ACYP2: variants seen among roughly 807,000 people sequenced by gnomAD.
ACYP2 encodes the protein acylphosphatase 2, also known as acylphosphatase-2.
In ACYP2, 12 loss-of-function variants were observed where a neutral mutation model predicts 11.2. The ratio of observed to expected loss-of-function variants is 1.08; its 90% confidence interval spans 0.69 to 1.74. The LOEUF is 1.74. Among genes scored for constraint, ACYP2 ranks in the 40% most tolerant of loss-of-function variants. The probability of loss-of-function intolerance (pLI) is 0.00; values close to 1 mark genes in which losing one functional copy is unlikely to be tolerated. For missense variants in ACYP2, 134 were observed against 101.9 expected (o/e 1.31, Z -1.35); for synonymous variants, 43 against 32.2 (o/e 1.33, Z -1.13).
chr2:53,973,502 A>C (rs922003462), intron 1 of ACYP2, among the ~76,000 whole-genome samples: 5 of 152,158 alleles, frequency 3.3e-5, no homozygotes, highest in African/African-American at 1.2e-4. Flanking sequence ...TAACAGATGA[A>C]TGTACTTTGT....
intron 6 of ACYP2, among the ~76,000 whole-genome samples, chr2:54,234,201 T>C (rs1050364220): frequency 1.3e-5 from 2 of 152,208 alleles, no homozygotes; most frequent in African/African-American, 4.8e-5. Flanking sequence ...GGCATTTTTG[T>C]GCTAAGCTTT....
intron 2 of ACYP2, among the ~76,000 whole-genome samples, chr2:54,034,836 C>A (rs1674791809): frequency 6.6e-6 from 1 of 151,796 alleles, no homozygotes; most frequent in Admixed American, 6.6e-5. Context: ...TAGTAAAACC[C>A]CGTCTCTACT....
At chr2:54,261,473 AG>A (rs1687773957) in intron 6 of ACYP2, among the ~76,000 whole-genome samples, 1 of 152,228 alleles carries the variant, frequency 6.6e-6, no homozygotes, top group South Asian at 2.1e-4. Context: ...AGTACAATTT[AG>A]CCACTAATCT....
In ACYP2 at chr2:54,034,837, C is replaced by T. The variant is rs1009881003; in HGVS notation, c.63-16121C>T. On this transcript the variant is annotated intron_variant, in intron 2 of 6. Coordinates refer to ENST00000607452, the MANE Select transcript of ACYP2 (RefSeq NM_001320586.2). ...CAGCCTGGCCAACATAGTAAAACCC[C>T]GTCTCTACTAAAAATACAAAAAATT... 3.3e-5 allele frequency among the ~76,000 whole-genome samples: 5 copies of T among 151,700 alleles called. No individual in the cohort carries two copies. In the South Asian group the frequency reaches 6.3e-4, roughly 19 times the overall value.
intron 6 of ACYP2, among the ~76,000 whole-genome samples, chr2:54,260,217 G>A (rs960189547): frequency 6.6e-6 from 1 of 152,098 alleles, no homozygotes; most frequent in Non-Finnish European, 1.5e-5. Flanking sequence ...TTATGAAATC[G>A]TCTTCTGATT....
At chr2:54,266,120 A>G (rs1194021889) in intron 6 of ACYP2, among the ~76,000 whole-genome samples, 1 of 152,258 alleles carries the variant, frequency 6.6e-6, no homozygotes, top group Non-Finnish European at 1.5e-5. Flanking sequence ...AAGGAAATAA[A>G]TAAATTACAG....
In ACYP2 at chr2:54,255,569, G is replaced by A. The variant is rs760946195; in HGVS notation, c.405-49119G>A. ...TTCAGGTGGAGACCCACGTTCAGGG[G>A]CCCGGGCCCGGGCCCAGGCCCTGCC... On this transcript the variant is annotated intron_variant, in intron 6 of 6. Transcript: ENST00000607452. The A allele has an allele frequency of 8.5e-6, 10 of 1,179,888 alleles. No individual in the cohort carries two copies. Among genetic ancestry groups the A allele is most frequent in the Middle Eastern group, 1.9e-4 (1 of 5,144 alleles). 73.1% of individuals were successfully genotyped at this position (1,179,888 alleles called of 1,614,324 possible).
intron 6 of ACYP2, among the ~76,000 whole-genome samples, chr2:54,191,654 G>C (rs923710248): frequency 6.6e-6 from 1 of 152,172 alleles, no homozygotes; most frequent in African/African-American, 2.4e-5. Flanking sequence ...CACTGGCACA[G>C]GAGTAAATGC....
intron 6 of ACYP2, among the ~76,000 whole-genome samples, chr2:54,231,613 G>A (rs894967843): frequency 5.3e-5 from 8 of 152,156 alleles, no homozygotes; most frequent in African/African-American, 1.9e-4. Flanking sequence ...AGTTGGGAAT[G>A]ATATCGAATT....
intron 4 of ACYP2, among the ~76,000 whole-genome samples, chr2:54,083,999 A>G (rs984339338): frequency 2.0e-5 from 3 of 152,240 alleles, no homozygotes; most frequent in Non-Finnish European, 2.9e-5. Flanking sequence ...TTTTGAAAAG[A>G]TGAGAAATGT....
intron 6 of ACYP2, among the ~76,000 whole-genome samples, chr2:54,244,276 A>G (rs1289416375): frequency 1.3e-5 from 2 of 152,132 alleles, no homozygotes; most frequent in Admixed American, 1.3e-4. Flanking sequence ...ATCTCAGTTC[A>G]CTGCAACCTC....
chr2:54,256,652 T>G (rs903974784), intron 6 of ACYP2, among the ~76,000 whole-genome samples: 1 of 152,196 alleles, frequency 6.6e-6, no homozygotes, highest in Non-Finnish European at 1.5e-5. Flanking sequence ...GTGGGGTTAC[T>G]TTTCTTTTGG....
chr2:54,119,576 A>T (rs184288655), intron 4 of ACYP2, among the ~76,000 whole-genome samples: 29 of 152,360 alleles, frequency 1.9e-4, no homozygotes, highest in African/African-American at 6.7e-4. Context: ...TGTTTCAATG[A>T]CATGAAAGTG....
intron 4 of ACYP2, among the ~76,000 whole-genome samples, chr2:54,083,462 G>A (rs899653003): frequency 1.3e-5 from 2 of 152,164 alleles, no homozygotes; most frequent in Non-Finnish European, 2.9e-5. Flanking sequence ...CAAAATGTTC[G>A]ATTGGGACAA....
chr2:54,205,434 C>T (rs1338342357), intron 6 of ACYP2, among the ~76,000 whole-genome samples: 1 of 152,188 alleles, frequency 6.6e-6, no homozygotes, highest in African/African-American at 2.4e-5. Flanking sequence ...CTCACAAAAC[C>T]TTTGCATATC....
intron 4 of ACYP2, among the ~76,000 whole-genome samples, chr2:54,126,244 G>A (rs1002706381): frequency 3.9e-5 from 6 of 152,180 alleles, no homozygotes; most frequent in African/African-American, 9.7e-5. Flanking sequence ...TCACATAGGT[G>A]TAACAGTTAC....
chr2:54,173,686 T>C (rs1683317933), intron 6 of ACYP2, among the ~76,000 whole-genome samples: 1 of 152,218 alleles, frequency 6.6e-6, no homozygotes, highest in Non-Finnish European at 1.5e-5. Flanking sequence ...AACATTTAAG[T>C]CTTTAGTCCA....
intron 6 of ACYP2, among the ~76,000 whole-genome samples, chr2:54,228,295 A>G (rs905663420): frequency 6.6e-6 from 1 of 152,202 alleles, no homozygotes; most frequent in African/African-American, 2.4e-5. Context: ...TAATTCTGTA[A>G]GTGGATATAT....
intron 2 of ACYP2, among the ~76,000 whole-genome samples, chr2:54,033,198 ATTT>A (rs11284749): frequency 6.4e-5 from 9 of 141,464 alleles, no homozygotes; most frequent in Non-Finnish European, 7.7e-5. Flanking sequence ...CCTGTGGGCA[ATTT>A]TTTTTTTTTT....
Sources: allele counts gnomAD v4.1 joint callset (sites outside exome capture counted in the v4.1 genomes callset), GRCh38; gene constraint gnomAD v4.1.1; transcripts MANE v1.5; gene names NCBI Gene and HGNC (gene_info 2026-07-23, HGNC 2026-07-21).